Variants in MAP3K19 observed in about 807,000 individuals in gnomAD.
MAP3K19 encodes the protein SPS1/STE20-related protein kinase YSK4.
MAP3K19 carries 91 observed loss-of-function variants against 114.4 expected under a neutral mutation model. The ratio of observed to expected loss-of-function variants is 0.80; its 90% CI spans 0.67 to 0.95. The LOEUF (loss-of-function observed/expected upper bound fraction) is 0.95. Among genes scored for constraint, MAP3K19 ranks in the 40% least tolerant of loss-of-function variants. MAP3K19 has a pLI of 0.00. For synonymous variants in MAP3K19, 518 were observed against 530.5 expected (o/e 0.98, Z 0.32); for missense variants, 1,471 against 1,573.2 (o/e 0.94, Z 1.10).
Position 134,981,004 on chromosome 2 carries a change from C to T in MAP3K19, c.3737G>A (p.Arg1246Gln), listed in dbSNP as rs748760359. Reference sequence around the variant, plus strand: ...ACCAATGCTCCAGATATCTGATTTCCGTCCATAGCCAGACTCATTGATGAC... The same window carrying T: ...ACCAATGCTCCAGATATCTGATTTCTGTCCATAGCCAGACTCATTGATGAC... ...PEVINESGYGRKSDIWSIGCT... is the reference protein window; with the variant it reads ...PEVINESGYGQKSDIWSIGCT... The change falls in exon 12 of 13, where the codon CGG becomes CAG. Residue 1246 changes from arginine (R) to glutamine (Q), a missense_variant. Arg to Gln is a conservative substitution (Grantham distance 43). Coordinates refer to ENST00000392915, the MANE Select transcript of MAP3K19 (RefSeq NM_025052.5). 7.4e-6 allele frequency: 12 copies of T among 1,614,096 alleles called. No individual in the cohort carries two copies. Among genetic ancestry groups the T allele is most frequent in the Admixed American group, 6.7e-5 (4 of 60,004 alleles).
At chr2:135,031,849 T>A (rs1338699636) in intron 2 of MAP3K19, among the ~76,000 whole-genome samples, 2 of 152,208 alleles carry the variant, frequency 1.3e-5, no homozygotes, top group Non-Finnish European at 2.9e-5. Flanking sequence ...AAATCAGGGA[T>A]AATTCCAAGA....
intron 3 of MAP3K19, among the ~76,000 whole-genome samples, chr2:135,027,948 C>A (rs950713291): frequency 1.3e-5 from 2 of 152,146 alleles, no homozygotes; most frequent in South Asian, 4.1e-4. Flanking sequence ...AAAAGGTGAT[C>A]AAATCACCCT....
In MAP3K19 at chr2:134,986,542, A is replaced by G. The variant is rs749220239; in HGVS notation, c.2330T>C (p.Leu777Pro). 2 of 1,614,164 alleles carry G rather than the reference A, an allele frequency of 1.2e-6. No homozygotes were observed. Among genetic ancestry groups the G allele is most frequent in the Non-Finnish European group, 1.7e-6 (2 of 1,180,014 alleles). ...GGGATGAATTTCATCTTTGGAAGATAGAAACTCATTTCCTGAAGACTTTAT... is the reference window on the plus strand; with the variant it reads ...GGGATGAATTTCATCTTTGGAAGATGGAAACTCATTTCCTGAAGACTTTAT... ...WQIKSSGNEF[L>P]SSKDEIHPMN... The change falls in exon 10 of 13, where the codon CTA becomes CCA. Residue 777 changes from leucine (L) to proline (P), a missense_variant. Physicochemically the swap from Leu to Pro is moderately conservative, Grantham distance 98 (BLOSUM62 -3). Transcript: ENST00000392915.
chr2:135,015,548 A>G (rs1311215217), intron 5 of MAP3K19, among the ~76,000 whole-genome samples: 1 of 152,164 alleles, frequency 6.6e-6, no homozygotes, highest in Non-Finnish European at 1.5e-5. Context: ...AATATAGCCC[A>G]TTTAATTAAC....
chr2:134,967,800 C>T (rs1378698676), intron 12 of MAP3K19, among the ~76,000 whole-genome samples: 2 of 151,704 alleles, frequency 1.3e-5, no homozygotes, highest in Admixed American at 6.6e-5. Flanking sequence ...TGCTGAGCGC[C>T]GGTCCCCTAG....
intron 1 of MAP3K19, among the ~76,000 whole-genome samples, chr2:135,042,501 C>CAAAAAAA (rs1168430275): frequency 5.1e-5 from 3 of 58,280 alleles, no homozygotes; most frequent in South Asian, 4.6e-4. Flanking sequence ...GACTCTGTCT[C>CAAAAAAA]AAAAAAAAAA....
intron 5 of MAP3K19, among the ~76,000 whole-genome samples, chr2:135,012,426 C>T (rs1012483230): frequency 6.6e-6 from 1 of 152,074 alleles, no homozygotes; most frequent in East Asian, 1.9e-4. Flanking sequence ...TTTATAAATG[C>T]GCAAAGCTAA....
chr2:135,036,305 G>A (rs903547389), intron 2 of MAP3K19, among the ~76,000 whole-genome samples: 1 of 152,148 alleles, frequency 6.6e-6, no homozygotes, highest in Non-Finnish European at 1.5e-5. Context: ...ATAACAATTT[G>A]TAATTTATTG....
In MAP3K19 at chr2:135,013,325, A is replaced by AG. The variant is rs1491332042; in HGVS notation, c.139-7795dup. Among the ~76,000 whole-genome samples, 584 of 97,406 alleles carry AG rather than the reference A, an allele frequency of 6.0e-3. 5 individuals carry two copies. The highest frequency in any genetic ancestry group is 0.024 in the African/African-American group (552 of 23,380). 63.9% of individuals were successfully genotyped at this position (97,406 alleles called of 152,430 possible). On this transcript the variant is annotated intron_variant, in intron 5 of 12. Transcript: ENST00000392915. ...AGAGTCCGTCCCAAAAAAAAAAAAA[A>AG]GAAGAAGAAGAAGAAGAACAAGGTA...
rs140269273 is a variant in MAP3K19 at position 135,039,470 on chromosome 2, C to T, written c.-284+893G>A. Reference sequence around the variant, plus strand: ...GGTGGTATGCGTCTGTAATTTCCAGCGACTTGGGAGACTGAGTTTGGAGAA... The same window carrying T: ...GGTGGTATGCGTCTGTAATTTCCAGTGACTTGGGAGACTGAGTTTGGAGAA... On this transcript the variant is annotated intron_variant, in intron 2 of 12. Transcript: ENST00000392915. Among the ~76,000 whole-genome samples, 384 of 151,854 alleles carry T rather than the reference C, an allele frequency of 2.5e-3. 7 individuals are homozygous for T. The highest frequency in any genetic ancestry group is 0.02 in the Admixed American group (307 of 15,260).
intron 5 of MAP3K19, among the ~76,000 whole-genome samples, chr2:135,009,941 T>C (rs905562907): frequency 2.0e-5 from 3 of 152,156 alleles, no homozygotes; most frequent in African/African-American, 7.2e-5. Context: ...CTTCATTTTG[T>C]ACCTGAGGCC....
chr2:134,989,186 C>T (rs188136090), intron 9 of MAP3K19, among the ~76,000 whole-genome samples: 9 of 152,076 alleles, frequency 5.9e-5, no homozygotes, highest in South Asian at 2.1e-4. Flanking sequence ...TATTATCATC[C>T]TGTAGAGGTC....
At chr2:135,028,186 A>G (rs1299586650) in intron 3 of MAP3K19, among the ~76,000 whole-genome samples, 2 of 152,182 alleles carry the variant, frequency 1.3e-5, no homozygotes, top group African/African-American at 4.8e-5. Context: ...TAGAATGTAA[A>G]AAGTACTTAG....
chr2:135,036,939 A>C (rs1363504398), intron 2 of MAP3K19, among the ~76,000 whole-genome samples: 2 of 152,056 alleles, frequency 1.3e-5, no homozygotes, highest in Non-Finnish European at 2.9e-5. Context: ...AAGATGTCAG[A>C]CTGCAGTAGT....
At chr2:135,026,176 C>T (rs1413089718) in intron 3 of MAP3K19, among the ~76,000 whole-genome samples, 1 of 152,082 alleles carries the variant, frequency 6.6e-6, no homozygotes, top group African/African-American at 2.4e-5. Flanking sequence ...CAGAGAATTC[C>T]CAACTTTGGA....
chr2:134,969,221 G>A (rs957155421), intron 12 of MAP3K19, among the ~76,000 whole-genome samples: 5 of 152,132 alleles, frequency 3.3e-5, no homozygotes, highest in Non-Finnish European at 7.4e-5. Flanking sequence ...GTGTGGCGGC[G>A]CGTGCCTGTA....
At chr2:134,997,666 A>C (rs934668491) in intron 8 of MAP3K19, among the ~76,000 whole-genome samples, 6 of 151,994 alleles carry the variant, frequency 3.9e-5, no homozygotes, top group Non-Finnish European at 8.8e-5. Flanking sequence ...TAAAAATACA[A>C]AAATTAGCTG....
In MAP3K19 at chr2:134,986,342, G is replaced by C. The variant is rs1685103199; in HGVS notation, c.2530C>G (p.His844Asp). ...GAAGGGATAAATGGGATCTGGTGAT[G>C]TAGCTCTTCAAGTTCTTGCAGATCT... ...LRDLQELEEL[H>D]HQIPFIPSED... Residue 844 changes from histidine to aspartate, a missense_variant, in exon 10 of 13, where the codon CAT becomes GAT. Physicochemically the swap from His to Asp is moderately conservative, Grantham distance 81. Coordinates refer to ENST00000392915, the MANE Select transcript of MAP3K19 (RefSeq NM_025052.5). The C allele has an allele frequency of 2.5e-6, 4 of 1,613,678 alleles. No individual in the cohort carries two copies. The highest frequency in any genetic ancestry group is 2.5e-6 in the Non-Finnish European group (3 of 1,179,890).
In MAP3K19 at chr2:134,998,920, A is replaced by C. The variant is rs756100551; in HGVS notation, c.392T>G (p.Leu131Arg). The C allele has an allele frequency of 6.2e-6, 10 of 1,613,866 alleles. No homozygotes were observed. In the Admixed American group the frequency reaches 1.3e-4, roughly 22 times the overall value. Residue 131 changes from leucine to arginine, a missense_variant, in exon 8 of 13, where the codon CTC (leucine) becomes CGC (arginine). By Grantham distance (102) the Leu-to-Arg change is moderately radical. Transcript: ENST00000392915. ...CCGCATGGTCAGCTTCTTTTTCCTG[A>C]GCTCCACCGTTTCTATTTCATTTGG... ...SHPNEIETVE[L>R]RKKKLTMRPL...
Sources: gnomAD v4.1 joint callset for allele counts (sites outside exome capture counted in the v4.1 genomes callset) on GRCh38, gnomAD v4.1.1 for gene constraint, MANE v1.5 for transcripts, NCBI Gene and HGNC (gene_info 2026-07-23, HGNC 2026-07-21) for gene names.